Variants in ANKS1B observed in about 807,000 individuals in gnomAD.
ANKS1B encodes ankyrin repeat and sterile alpha motif domain containing 1B.
In ANKS1B, 36 loss-of-function variants were observed where a neutral mutation model predicts 148.3. The ratio of observed to expected loss-of-function variants is 0.24; its 90% CI spans 0.19 to 0.32. ANKS1B has a LOEUF of 0.32. Among genes scored for constraint, ANKS1B ranks in the 10% least tolerant of loss-of-function variants. The pLI is 1.00. For synonymous variants in ANKS1B, 542 were observed against 560.8 expected (o/e 0.97, Z 0.47); for missense variants, 1,157 against 1,542.6 (o/e 0.75, Z 4.19).
intron 8 of ANKS1B, among the ~76,000 whole-genome samples, chr12:99,725,472 C>T (rs1240155420): frequency 2.0e-5 from 3 of 152,188 alleles, no homozygotes; most frequent in East Asian, 1.9e-4. Context: ...AATATGTATG[C>T]ACCCAATACA....
intron 1 of ANKS1B, among the ~76,000 whole-genome samples, chr12:99,953,846 C>T (rs1371584023): frequency 6.6e-6 from 1 of 152,126 alleles, no homozygotes; most frequent in African/African-American, 2.4e-5. Context: ...AAACCTCATG[C>T]CCAAATGTCC....
chr12:98,795,674 AAAAAC>A (rs1035602773), intron 22 of ANKS1B: 16 of 452,016 alleles, frequency 3.5e-5, no homozygotes, highest in Non-Finnish European at 5.3e-5. Context: ...AAAAAGTGAA[AAAAAC>A]AAAACAAAAC....
chr12:99,334,741 A>G (rs1244717275), intron 12 of ANKS1B, among the ~76,000 whole-genome samples: 2 of 152,040 alleles, frequency 1.3e-5, no homozygotes, highest in African/African-American at 4.8e-5. Flanking sequence ...GAGATGAGTC[A>G]ATTATTTTAT....
At chr12:99,454,260 C>G (rs933677612) in intron 10 of ANKS1B, among the ~76,000 whole-genome samples, 1 of 152,158 alleles carries the variant, frequency 6.6e-6, no homozygotes, top group Non-Finnish European at 1.5e-5. Context: ...AAAAAGTCAG[C>G]CACATTGCAT....
At chr12:99,825,487 T>C (rs2153683425) in intron 1 of ANKS1B, 98 bp from the exon 2 acceptor site, 2 of 867,170 alleles carry the variant, frequency 2.3e-6, no homozygotes, top group Non-Finnish European at 3.6e-6. Flanking sequence ...CAGCAGGTTG[T>C]AGATAAAAAT....
At position 99,968,037 on chromosome 12, in the gene ANKS1B, TAGA is replaced by T. The variant is rs1815903205; in HGVS notation, c.134+16064_134+16066del. ...AATTATGAGACTTCTGAGTTTGGGG[TAGA>T]AGAAGCCAAAGAATGCCTTAGAACC... On this transcript the variant is annotated intron_variant, in intron 1 of 26. Transcript: ENST00000683438. 1.8e-4 allele frequency among the ~76,000 whole-genome samples: 28 copies of T among 152,122 alleles called. 1 individual carries two copies. In the South Asian group the frequency reaches 5.8e-3, roughly 32 times the overall value.
chr12:99,943,223 C>T (rs137961987), intron 1 of ANKS1B, among the ~76,000 whole-genome samples: 99 of 152,266 alleles, frequency 6.5e-4, no homozygotes, highest in African/African-American at 2.2e-3. Flanking sequence ...TGATCCAAAA[C>T]ATCTCTTTCT....
chr12:98,848,573 T>G (rs2099497457), intron 17 of ANKS1B, among the ~76,000 whole-genome samples: 1 of 151,338 alleles, frequency 6.6e-6, no homozygotes, highest in African/African-American at 2.4e-5. Flanking sequence ...TTTTTTTTTT[T>G]TTTGATGCGG....
At chr12:99,300,502 A>G (rs2081453836) in intron 12 of ANKS1B, among the ~76,000 whole-genome samples, 1 of 152,174 alleles carries the variant, frequency 6.6e-6, no homozygotes, top group South Asian at 2.1e-4. Context: ...CAGAAAACAT[A>G]GACCAAAGCC....
chr12:98,745,948 C>G, intron 26 of ANKS1B, 99 bp from the exon 27 acceptor site: 1 of 1,315,520 alleles, frequency 7.6e-7, no homozygotes, highest in Non-Finnish European at 1.0e-6. Flanking sequence ...CCCCTCGCCC[C>G]AGGCGCGGGG....
At chr12:98,880,760 TCC>T (rs924317018) in intron 17 of ANKS1B, among the ~76,000 whole-genome samples, 15 of 151,634 alleles carry the variant, frequency 9.9e-5, no homozygotes, top group African/African-American at 3.4e-4. Context: ...ACAGCGAGAC[TCC>T]GTCTCAAAAA....
intron 17 of ANKS1B, among the ~76,000 whole-genome samples, chr12:99,049,954 T>C (rs952179525): frequency 3.9e-5 from 6 of 152,192 alleles, no homozygotes; most frequent in African/African-American, 1.2e-4. Flanking sequence ...GCACTTCTCT[T>C]TTCACTTAAC....
chr12:98,970,749 T>C (rs141701421), intron 17 of ANKS1B, among the ~76,000 whole-genome samples: 1 of 152,310 alleles, frequency 6.6e-6, no homozygotes, highest in African/African-American at 2.4e-5. Context: ...ACCTTCTCCA[T>C]GCGACTAATG....
In ANKS1B at chr12:99,357,878, A is replaced by G. The variant is rs539371780; in HGVS notation, c.1756+41753T>C. Among the ~76,000 whole-genome samples, 157 of 152,266 alleles carry G rather than the reference A, an allele frequency of 1.0e-3. 1 individual carries two copies. The highest frequency in any genetic ancestry group is 3.5e-3 in the African/African-American group (147 of 41,564). Reference sequence around the variant, plus strand: ...AGAATGCCCTTCTTAGCCTGCTCTTAGACATTAGATATTACAACTTTTTAA... The same window carrying G: ...AGAATGCCCTTCTTAGCCTGCTCTTGGACATTAGATATTACAACTTTTTAA... On this transcript the variant is annotated intron_variant, in intron 12 of 26. Transcript: ENST00000683438.
At chr12:99,637,505 T>G (rs971731084) in intron 9 of ANKS1B, among the ~76,000 whole-genome samples, 1 of 151,998 alleles carries the variant, frequency 6.6e-6, no homozygotes, top group Non-Finnish European at 1.5e-5. Flanking sequence ...AACATTTGAG[T>G]CAGTGAGCTG....
chr12:98,750,452 T>C (rs1430114000), intron 26 of ANKS1B, among the ~76,000 whole-genome samples: 1 of 152,096 alleles, frequency 6.6e-6, no homozygotes, highest in Non-Finnish European at 1.5e-5. Flanking sequence ...AAGAACTGCA[T>C]GTTCACAAAG....
Position 99,780,118 on chromosome 12 carries a change from T to C in ANKS1B, c.746-146A>G, listed in dbSNP as rs538039867. The C allele has an allele frequency of 4.1e-5, 25 of 614,808 alleles. No homozygotes were observed. The Admixed American group carries it at 6.7e-4, about 17-fold the overall frequency. 38.1% of individuals were successfully genotyped at this position (614,808 alleles called of 1,614,324 possible). On this transcript the variant is annotated intron_variant, in intron 5 of 26. Coordinates refer to ENST00000683438, the MANE Select transcript of ANKS1B (RefSeq NM_001352186.2). The stretch of plus-strand genomic sequence containing the variant: ...AAAAATTAAGTTCTACACACACACA[T>C]ACACACACACATGCGCACACACACA...
chr12:99,066,463 G>T (rs1195357602), intron 16 of ANKS1B, among the ~76,000 whole-genome samples: 2 of 152,214 alleles, frequency 1.3e-5, no homozygotes, highest in African/African-American at 4.8e-5. Flanking sequence ...GACCAATGGG[G>T]TTGGAGCAGT....
At chr12:99,458,418 C>T (rs528785164) in intron 10 of ANKS1B, among the ~76,000 whole-genome samples, 27 of 147,330 alleles carry the variant, frequency 1.8e-4, no homozygotes, top group East Asian at 1.2e-3. Flanking sequence ...TAACCAAGAT[C>T]GGAGCAGAAC....
Sources: gnomAD v4.1 joint callset for allele counts (sites outside exome capture counted in the v4.1 genomes callset) on GRCh38, gnomAD v4.1.1 for gene constraint, MANE v1.5 for transcripts, NCBI Gene and HGNC (gene_info 2026-07-23, HGNC 2026-07-21) for gene names.